WWOX: variants seen among roughly 807,000 people sequenced by gnomAD.
The protein encoded by WWOX is WW domain-containing oxidoreductase.
WWOX carries 69 observed loss-of-function variants against 46.2 expected under a neutral mutation model. That is an observed-to-expected ratio of 1.49 (90% CI 1.23 to 1.82). WWOX has a LOEUF of 1.82. Ranked by LOEUF, WWOX falls within the 40% of genes most tolerant of loss-of-function variation. The pLI is 0.00. For missense variants in WWOX, 919 were observed against 542.6 expected, an observed-to-expected ratio of 1.69 and a Z score of -6.89; for synonymous variants, 359 against 202.6, an observed-to-expected ratio of 1.77 and a Z score of -6.56.
intron 8 of WWOX, among the ~76,000 whole-genome samples, chr16:78,809,834 C>T (rs1261762946): frequency 4.6e-5 from 7 of 152,032 alleles, no homozygotes; most frequent in African/African-American, 7.2e-5. Flanking sequence ...GTCACTGTTC[C>T]CAGGGGATGA....
At chr16:78,992,239 C>G (rs888332647) in intron 8 of WWOX, among the ~76,000 whole-genome samples, 6 of 152,114 alleles carry the variant, frequency 3.9e-5, no homozygotes, top group African/African-American at 1.4e-4. Flanking sequence ...TTTGGTCACC[C>G]CTTCTGTAAG....
intron 8 of WWOX, among the ~76,000 whole-genome samples, chr16:78,694,554 C>A (rs918315956): frequency 6.6e-6 from 1 of 152,138 alleles, no homozygotes; most frequent in African/African-American, 2.4e-5. Context: ...TGGTAGCAGC[C>A]TGCATGGTGT....
At chr16:79,071,657 C>T (rs1210416318) in intron 8 of WWOX, among the ~76,000 whole-genome samples, 3 of 152,268 alleles carry the variant, frequency 2.0e-5, no homozygotes, top group Admixed American at 6.5e-5. Context: ...CTAAACCACT[C>T]TTGGGTCTTT....
intron 8 of WWOX, among the ~76,000 whole-genome samples, chr16:78,786,360 G>A (rs1394318597): frequency 6.6e-6 from 1 of 152,302 alleles, no homozygotes; most frequent in Non-Finnish European, 1.5e-5. Flanking sequence ...CACTGAAAGT[G>A]GAGTTGGGGA....
intron 8 of WWOX, among the ~76,000 whole-genome samples, chr16:78,512,244 T>A (rs1460123692): frequency 6.6e-6 from 1 of 152,234 alleles, no homozygotes; most frequent in Non-Finnish European, 1.5e-5. Context: ...TTTAATATTA[T>A]CAATTGCTGG....
At chr16:78,938,156 G>A (rs1278743043) in intron 8 of WWOX, among the ~76,000 whole-genome samples, 2 of 152,180 alleles carry the variant, frequency 1.3e-5, no homozygotes, top group Admixed American at 6.5e-5. Context: ...GACCTTCCTG[G>A]CCTCTGGGAA....
intron 8 of WWOX, among the ~76,000 whole-genome samples, chr16:78,997,926 GA>G (rs1348956801): frequency 6.6e-6 from 1 of 152,026 alleles, no homozygotes; most frequent in Non-Finnish European, 1.5e-5. Flanking sequence ...GCCTAGGCTG[GA>G]GTACAATGGC....
intron 8 of WWOX, among the ~76,000 whole-genome samples, chr16:79,074,402 A>G (rs1464576361): frequency 4.2e-5 from 4 of 95,332 alleles, no homozygotes; most frequent in Non-Finnish European, 8.5e-5. Context: ...CTGAAATGTC[A>G]CTAGTCCTTT....
At chr16:78,814,337 A>C (rs2051274951) in intron 8 of WWOX, among the ~76,000 whole-genome samples, 2 of 152,130 alleles carry the variant, frequency 1.3e-5, no homozygotes, top group Non-Finnish European at 2.9e-5. Context: ...AAAAAACTGG[A>C]AAAAATGCAC....
chr16:79,167,601 C>T (rs557653348), intron 8 of WWOX, among the ~76,000 whole-genome samples: 31 of 152,280 alleles, frequency 2.0e-4, no homozygotes, highest in South Asian at 1.2e-3. Flanking sequence ...GGCAGCGAAG[C>T]GAATGCCCAC....
intron 5 of WWOX, among the ~76,000 whole-genome samples, chr16:78,327,737 C>T (rs1027365146): frequency 2.6e-5 from 4 of 152,066 alleles, no homozygotes; most frequent in African/African-American, 7.2e-5. Flanking sequence ...CTCCTTCAGA[C>T]CCCCGACCAT....
intron 8 of WWOX, among the ~76,000 whole-genome samples, chr16:78,962,184 G>C (rs534031430): frequency 2.0e-5 from 3 of 152,090 alleles, no homozygotes; most frequent in African/African-American, 7.2e-5. Flanking sequence ...CTTTAATGAG[G>C]ACAGCCACCC....
intron 8 of WWOX, among the ~76,000 whole-genome samples, chr16:79,030,268 A>G (rs1451984304): frequency 2.0e-5 from 3 of 152,206 alleles, no homozygotes; most frequent in African/African-American, 4.8e-5. Flanking sequence ...AATTTTTTTA[A>G]TAATTACTTT....
At chr16:78,973,017 T>G (rs2046502327) in intron 8 of WWOX, among the ~76,000 whole-genome samples, 1 of 152,196 alleles carries the variant, frequency 6.6e-6, no homozygotes. Flanking sequence ...GAAGAGTTAA[T>G]TATTTTTCCT....
At chr16:78,547,204 G>T (rs929982619) in intron 8 of WWOX, among the ~76,000 whole-genome samples, 5 of 150,132 alleles carry the variant, frequency 3.3e-5, no homozygotes, top group African/African-American at 9.8e-5. Context: ...CAACCCACGG[G>T]GATAGGGTGA....
At chr16:79,157,324 C>G (rs574284040) in intron 8 of WWOX, among the ~76,000 whole-genome samples, 2 of 151,906 alleles carry the variant, frequency 1.3e-5, no homozygotes, top group Non-Finnish European at 2.9e-5. Context: ...TATACCATCT[C>G]TATTCTGGGC....
chr16:79,002,351 G>A (rs557117136), intron 8 of WWOX, among the ~76,000 whole-genome samples: 1 of 150,504 alleles, frequency 6.6e-6, no homozygotes, highest in African/African-American at 2.4e-5. Flanking sequence ...AGCCTCCTGA[G>A]TAGCTGGGAT....
intron 7 of WWOX, among the ~76,000 whole-genome samples, chr16:78,429,190 T>G (rs1010882921): frequency 6.6e-6 from 1 of 152,160 alleles, no homozygotes; most frequent in Non-Finnish European, 1.5e-5. Context: ...ATCAATTGAC[T>G]TACAGTCTGG....
At chr16:78,479,541 G>T (rs1029559991) in intron 8 of WWOX, among the ~76,000 whole-genome samples, 2 of 152,122 alleles carry the variant, frequency 1.3e-5, no homozygotes, top group African/African-American at 4.8e-5. Context: ...TGGCATGATG[G>T]TATAGAATAA....
Sources: allele counts gnomAD v4.1 joint callset (sites outside exome capture counted in the v4.1 genomes callset), GRCh38; gene constraint gnomAD v4.1.1; transcripts MANE v1.5; gene names NCBI Gene and HGNC (gene_info 2026-07-23, HGNC 2026-07-21).